The following HMCN1 variants were observed in gnomAD, a reference collection of about 807,000 sequenced individuals.
HMCN1 encodes hemicentin-1.
HMCN1 carries 321 observed loss-of-function variants against 625.9 expected under a neutral mutation model. That is an observed-to-expected ratio of 0.51 (90% confidence interval 0.47 to 0.56). The LOEUF (loss-of-function observed/expected upper bound fraction) is 0.56, where lower values mean the gene tolerates loss of function less well. Ranked by LOEUF, HMCN1 falls within the 20% of genes least tolerant of loss-of-function variation. The pLI, the probability that HMCN1 is intolerant of heterozygous loss-of-function variation, is 0.00. For missense variants in HMCN1, 6,588 were observed against 6,887.3 expected (o/e 0.96, Z 1.54); for synonymous variants, 2,425 against 2,417.6 (o/e 1.00, Z -0.09).
At chr1:185,820,174 G>A (rs545466628) in intron 1 of HMCN1, among the ~76,000 whole-genome samples, 12 of 152,246 alleles carry the variant, frequency 7.9e-5, no homozygotes, top group Middle Eastern at 6.8e-3. Flanking sequence ...TATATGCCCA[G>A]TAAATACACA....
At chr1:185,865,576 TA>T (rs1663124966) in intron 3 of HMCN1, among the ~76,000 whole-genome samples, 164 bp from the exon 4 acceptor site, 1 of 127,834 alleles carries the variant, frequency 7.8e-6, no homozygotes, top group Non-Finnish European at 1.6e-5. Flanking sequence ...AATAATTATA[TA>T]AGCATACACA....
chr1:186,086,491 A>C, intron 58 of HMCN1, 84 bp downstream of exon 58: 1 of 1,402,616 alleles, frequency 7.1e-7, no homozygotes, highest in Non-Finnish European at 1.0e-6. Flanking sequence ...GTGTATTTCC[A>C]AACTTTTGTC....
At chr1:185,931,897 T>A (rs1178115115) in intron 10 of HMCN1, among the ~76,000 whole-genome samples, 1 of 152,238 alleles carries the variant, frequency 6.6e-6, no homozygotes, top group African/African-American at 2.4e-5. Context: ...TTTCACTAAA[T>A]TGGCTTATCT....
intron 22 of HMCN1, among the ~76,000 whole-genome samples, chr1:185,992,258 T>C (rs902788873): frequency 6.6e-6 from 1 of 152,206 alleles, no homozygotes; most frequent in Admixed American, 6.6e-5. Flanking sequence ...GTACAGAAGG[T>C]TTCAGTTTTT....
At position 186,128,131 on chromosome 1, in the gene HMCN1, TACAC is replaced by T; in HGVS notation, c.12749_12752del (p.His4250LeufsTer4). 6.2e-7 allele frequency: 1 copy of T among 1,613,742 alleles called. No individual in the cohort carries two copies. Among genetic ancestry groups the T allele is most frequent in the Non-Finnish European group, 8.5e-7 (1 of 1,179,750 alleles). Reference sequence around the variant, plus strand: ...TTGCTAACAATGCTGCAGGTGAAGATACACACACTGTCAGCCTGACTGTGCATGT... The same window carrying T: ...TTGCTAACAATGCTGCAGGTGAAGATACACTGTCAGCCTGACTGTGCATGT... On this transcript the variant is annotated frameshift_variant, in exon 83 of 107. Coordinates refer to ENST00000271588, the MANE Select transcript of HMCN1 (RefSeq NM_031935.3). LOFTEE classifies it high-confidence loss of function.
chr1:186,086,162 G>A, intron 57 of HMCN1, 84 bp from the exon 58 acceptor site: 1 of 1,243,000 alleles, frequency 8.0e-7, no homozygotes, highest in Non-Finnish European at 1.2e-6. Flanking sequence ...CTTTAGCAGA[G>A]TACAGTGGTT....
In HMCN1 at chr1:185,872,948, A is replaced by G. The variant is rs75550466; in HGVS notation, c.621+7085A>G. Among the ~76,000 whole-genome samples the G allele has an allele frequency of 2.0e-3, 301 of 152,276 alleles. 4 individuals are homozygous for G. The highest frequency in any genetic ancestry group is 7.1e-3 in the African/African-American group (294 of 41,568). On this transcript the variant is annotated intron_variant, in intron 4 of 106. Coordinates refer to ENST00000271588, the MANE Select transcript of HMCN1 (RefSeq NM_031935.3). Reference sequence around the variant, plus strand: ...GAAAACAGAATGGACATCACTCATTAAAACTTCTTCCTAAAATACCAAAAA... The same window carrying G: ...GAAAACAGAATGGACATCACTCATTGAAACTTCTTCCTAAAATACCAAAAA...
intron 96 of HMCN1, 109 bp downstream of exon 96, chr1:186,152,980 A>G (rs1324434102): frequency 1.8e-5 from 25 of 1,382,682 alleles, no homozygotes; most frequent in Non-Finnish European, 2.5e-5. Context: ...AAAATGTCCA[A>G]ACTACCAAGG....
At chr1:185,902,770 C>T (rs914255400) in intron 4 of HMCN1, among the ~76,000 whole-genome samples, 1 of 151,478 alleles carries the variant, frequency 6.6e-6, no homozygotes, top group African/African-American at 2.4e-5. Context: ...AGCGATAAGA[C>T]CATAACTGGC....
In HMCN1 at chr1:186,000,032, AT is replaced by A; in HGVS notation, c.3875-10del. ...TGTTGTAAAATATCACAAGACTTTA[AT>A]TTCTTATTTAGGTACCCCTAAACCA... On this transcript the variant is annotated splice_polypyrimidine_tract_variant and intron_variant, in intron 25 of 106. Transcript: ENST00000271588. The A allele has an allele frequency of 6.3e-7, 1 of 1,585,960 alleles. No homozygotes were observed. Among genetic ancestry groups the A allele is most frequent in the Non-Finnish European group, 8.6e-7 (1 of 1,157,084 alleles).
rs765220539 is a variant in HMCN1, at chr1:186,145,884, A to G, written c.14569A>G (p.Thr4857Ala). The change falls in exon 93 of 107, where the codon ACT becomes GCT. Residue 4857 changes from threonine (T) to alanine (A), a missense_variant. Thr to Ala is a moderately conservative substitution (Grantham distance 58). Around this residue, in one of 3 missense-constraint regions of HMCN1, gnomAD observed 1,954 missense variants for 2,013.1 expected, o/e 0.97. Transcript: ENST00000271588. The part of the protein sequence containing the change: ...VKGGRPCPGD[T>A]TQVTRCNVQA... ...AGGTGGCCGTCCCTGTCCCGGAGACACTACTCAGGTGACCAGGTGCAATGT... is the reference window on the plus strand; with the variant it reads ...AGGTGGCCGTCCCTGTCCCGGAGACGCTACTCAGGTGACCAGGTGCAATGT... 5 of 1,614,086 alleles carry G rather than the reference A, an allele frequency of 3.1e-6. No individual in the cohort carries two copies. Among genetic ancestry groups the G allele is most frequent in the Non-Finnish European group, 4.2e-6 (5 of 1,179,996 alleles).
chr1:185,886,236 G>A (rs1000283471), intron 4 of HMCN1, among the ~76,000 whole-genome samples: 1 of 151,934 alleles, frequency 6.6e-6, no homozygotes, highest in African/African-American at 2.4e-5. Flanking sequence ...AGAGATGAGG[G>A]GAGTGGGTGG....
At chr1:186,044,082 A>G (rs1397003592) in intron 40 of HMCN1, among the ~76,000 whole-genome samples, 2 of 152,154 alleles carry the variant, frequency 1.3e-5, no homozygotes, top group Non-Finnish European at 2.9e-5. Flanking sequence ...ACTTCTTCTC[A>G]AAAAAGAAAA....
chr1:185,980,921 C>A, intron 16 of HMCN1, 57 bp from the exon 17 acceptor site: 1 of 1,044,034 alleles, frequency 9.6e-7, no homozygotes, highest in Non-Finnish European at 1.5e-6. Context: ...CTGTTTCTGG[C>A]ACATAGTTAA....
intron 102 of HMCN1, among the ~76,000 whole-genome samples, chr1:186,173,205 G>A (rs1362519683): frequency 6.6e-6 from 1 of 151,810 alleles, no homozygotes; most frequent in Non-Finnish European, 1.5e-5. Context: ...TTGTATCTTG[G>A]ATTTGTTTCA....
At chr1:185,821,721 G>T (rs1434223723) in intron 1 of HMCN1, among the ~76,000 whole-genome samples, 1 of 151,294 alleles carries the variant, frequency 6.6e-6, no homozygotes, top group Non-Finnish European at 1.5e-5. Context: ...AGCAAGGCCT[G>T]CTCATGGTTC....
At position 186,039,729 on chromosome 1, in the gene HMCN1, G is replaced by A. The variant is rs1656082849; in HGVS notation, c.6030G>A (p.Val2010=). ...TELFYSLQVH[V]APSISGSNNM... ...CTTACTTTCATTTGTTTTTTTCAGTGGCCCCATCAATTTCTGGCAGCAATA... is the reference window on the plus strand; with the variant it reads ...CTTACTTTCATTTGTTTTTTTCAGTAGCCCCATCAATTTCTGGCAGCAATA... Residue 2010 remains valine (V), a splice_region_variant and synonymous_variant, in exon 39 of 107, where the codon GTG becomes GTA. Coordinates refer to ENST00000271588, the MANE Select transcript of HMCN1 (RefSeq NM_031935.3). The A allele has an allele frequency of 6.2e-7, 1 of 1,613,114 alleles. No homozygotes were observed. Among genetic ancestry groups the A allele is most frequent in the Non-Finnish European group, 8.5e-7 (1 of 1,179,418 alleles).
intron 75 of HMCN1, among the ~76,000 whole-genome samples, chr1:186,115,855 ATT>A (rs5779270): frequency 6.8e-6 from 1 of 147,406 alleles, no homozygotes; most frequent in Non-Finnish European, 1.5e-5. Flanking sequence ...CATTTTCTCC[ATT>A]TTTTTTTTTT....
At position 186,117,385 on chromosome 1, in the gene HMCN1, T is replaced by C. The variant is rs1661182956; in HGVS notation, c.11684-74T>C. The C allele has an allele frequency of 7.9e-6, 12 of 1,522,292 alleles. No individual in the cohort carries two copies. In the South Asian group the frequency reaches 1.2e-4, roughly 16 times the overall value. The allele number at this position is 1,522,292 out of a possible 1,614,324, so 94.3% of individuals were successfully genotyped here. A position where few individuals can be genotyped will look rare whatever the true frequency, so the allele number is the denominator to read the frequency against. On this transcript the variant is annotated intron_variant, in intron 76 of 106. Coordinates refer to ENST00000271588, the MANE Select transcript of HMCN1 (RefSeq NM_031935.3). ...ACTTTCAGAGCAAAAAGAGGATGTA[T>C]GATAAGTCTTTGGAAATCTTTAAGG...
Sources: gnomAD v4.1 joint callset for allele counts (sites outside exome capture counted in the v4.1 genomes callset) on GRCh38, gnomAD v4.1.1 for gene constraint, gnomAD v4.1.1 regional missense constraint, MANE v1.5 for transcripts, NCBI Gene and HGNC (gene_info 2026-07-23, HGNC 2026-07-21) for gene names.